The following IL4R variants were observed in gnomAD, a reference collection of about 807,000 sequenced individuals.
The protein encoded by IL4R is interleukin 4 receptor, also known as interleukin-4 receptor subunit alpha.
A neutral mutation model predicts 41.5 loss-of-function variants in IL4R; 17 were observed. That is an observed-to-expected ratio of 0.41 (90% CI 0.28 to 0.61). The LOEUF is 0.61. IL4R is among the 20% of genes least tolerant of loss of function. IL4R has a pLI of 0.31. For synonymous variants in IL4R, 402 were observed against 422.9 expected (o/e 0.95, Z 0.61); for missense variants, 974 against 1,043.1 (o/e 0.93, Z 0.91).
chr16:27,362,023 TG>T (rs1028405297), intron 10 of IL4R, among the ~76,000 whole-genome samples: 1 of 152,180 alleles, frequency 6.6e-6, no homozygotes, highest in African/African-American at 2.4e-5. Context: ...AGCTTGTATT[TG>T]GTGCCCAGGA....
intron 4 of IL4R, among the ~76,000 whole-genome samples, 156 bp from the exon 5 acceptor site, chr16:27,344,713 C>T (rs2085571213): frequency 6.6e-6 from 1 of 152,196 alleles, no homozygotes; most frequent in South Asian, 2.1e-4. Flanking sequence ...TGCCCCAGCA[C>T]ACCCTGGCCG....
In IL4R at chr16:27,363,851, G is replaced by A; in HGVS notation, c.*21G>A. 1 of 1,588,238 alleles carries A rather than the reference G, an allele frequency of 6.3e-7. No individual in the cohort carries two copies. Among genetic ancestry groups the A allele is most frequent in the South Asian group, 1.1e-5 (1 of 89,100 alleles). ...CTTAGGTGCATGTCCTCTTGTTGCT[G>A]AGTCTGCAGATGAGGACTAGGGCTT... On this transcript the variant is annotated 3_prime_UTR_variant, in exon 11 of 11. Coordinates refer to ENST00000395762, the MANE Select transcript of IL4R (RefSeq NM_000418.4).
chr16:27,338,408 A>G (rs1471513570), intron 2 of IL4R, among the ~76,000 whole-genome samples: 1 of 151,336 alleles, frequency 6.6e-6, no homozygotes, highest in Admixed American at 6.6e-5. Flanking sequence ...TTGTAGAGAT[A>G]AGGTCTCACT....
Position 27,363,035 on chromosome 16 carries a change from TG to T in IL4R, c.1687del (p.Ala563GlnfsTer124). On this transcript the variant is annotated frameshift_variant, in exon 11 of 11. Transcript: ENST00000395762. LOFTEE classifies it low-confidence loss of function (END_TRUNC). The stretch of plus-strand genomic sequence containing the variant: ...TCCTCCGCCGAAATGTCCTCCAGCA[TG>T]GGGCAGCTGCAGCCCCCGTCTCGGC... ...QILRRNVLQH[G>X]AAAAPVSAPT... The T allele has an allele frequency of 6.2e-7, 1 of 1,614,092 alleles. No individual in the cohort carries two copies.
chr16:27,357,307 TCTCA>T (rs2086111820), intron 8 of IL4R, among the ~76,000 whole-genome samples: 1 of 152,140 alleles, frequency 6.6e-6, no homozygotes, highest in Admixed American at 6.5e-5. Context: ...TTAGACAGGG[TCTCA>T]CTCTGTTAGC....
Position 27,362,259 on chromosome 16 carries a change from A to G in IL4R, c.907A>G (p.Lys303Glu), listed in dbSNP as rs774824823. The G allele has an allele frequency of 6.2e-7, 1 of 1,613,766 alleles. No homozygotes were observed. The highest frequency in any genetic ancestry group is 1.1e-5 in the South Asian group (1 of 91,066). ...CAACCTTTGCTTTTGCAGACACTGGAAGAATTGTCTTACCAAGCTCTTGCC... is the reference window on the plus strand; with the variant it reads ...CAACCTTTGCTTTTGCAGACACTGGGAGAATTGTCTTACCAAGCTCTTGCC... The part of the protein sequence containing the change: ...GQEPAKCPHW[K>E]NCLTKLLPCF... Residue 303 changes from lysine (K) to glutamate (E), a missense_variant, in exon 11 of 11, where the codon AAG (lysine) becomes GAG (glutamate). By Grantham distance (56) the Lys-to-Glu change is moderately conservative. Around this residue, in one of 3 missense-constraint regions of IL4R, gnomAD observed 682 missense variants for 704.3 expected, o/e 0.97. Transcript: ENST00000395762.
At chr16:27,340,445 G>A (rs1030701216) in intron 3 of IL4R, among the ~76,000 whole-genome samples, 172 bp downstream of exon 3, 12 of 151,954 alleles carry the variant, frequency 7.9e-5, no homozygotes, top group African/African-American at 1.9e-4. Context: ...GATGGGAGCC[G>A]GGTGCAGTGG....
At chr16:27,329,626 G>A (rs1170986385) in intron 1 of IL4R, among the ~76,000 whole-genome samples, 3 of 146,406 alleles carry the variant, frequency 2.0e-5, no homozygotes, top group East Asian at 2.0e-4. Flanking sequence ...GCAGTGAGCC[G>A]ACATCACGCC....
At chr16:27,355,610 G>A (rs961843608) in intron 7 of IL4R, 198 bp from the exon 8 acceptor site, 1 of 532,540 alleles carries the variant, frequency 1.9e-6, no homozygotes, top group South Asian at 2.1e-5. Context: ...GGAGCAGGGG[G>A]CAATGAGGTG....
Position 27,364,621 on chromosome 16 carries a change from T to G in IL4R, c.*791T>G, listed in dbSNP as rs1001361755. On this transcript the variant is annotated 3_prime_UTR_variant, in exon 11 of 11. Transcript: ENST00000395762. The stretch of plus-strand genomic sequence containing the variant: ...GGCATAAGGCACCAGTTACCCTGCA[T>G]GTTGGCCCAGACCTCAGGTGCTAGG... The G allele has an allele frequency of 6.6e-6, 1 of 152,126 alleles. No individual in the cohort carries two copies. Among genetic ancestry groups the G allele is most frequent in the African/African-American group, 2.4e-5 (1 of 41,414 alleles). The allele number at this position is 152,126 out of a possible 1,614,324, so 9.4% of individuals were successfully genotyped here.
intron 10 of IL4R, among the ~76,000 whole-genome samples, chr16:27,361,784 T>G (rs2086297591): frequency 6.6e-6 from 1 of 152,028 alleles, no homozygotes; most frequent in Non-Finnish European, 1.5e-5. Flanking sequence ...TTCCTTTTTT[T>G]TAATTCTTGT....
intron 1 of IL4R, among the ~76,000 whole-genome samples, chr16:27,323,975 T>C (rs72782399): frequency 0.013 from 1,923 of 152,218 alleles, 12 homozygotes; most frequent in Non-Finnish European, 0.018. Context: ...TGCTTTTTTT[T>C]GTTAGTGAGA....
chr16:27,345,044 G>C lies in IL4R; in HGVS notation c.361+24G>C, dbSNP rs369875568. 1.2e-4 allele frequency: 197 copies of C among 1,603,876 alleles called. 1 individual carries two copies. The highest frequency in any genetic ancestry group is 1.1e-4 in the Non-Finnish European group (128 of 1,175,908). ...TGGTGAGCAGGGCGGAGTGCGGCAGGGGTGGCTGGGTGTGTTCCCACAGCT... is the reference window on the plus strand; with the variant it reads ...TGGTGAGCAGGGCGGAGTGCGGCAGCGGTGGCTGGGTGTGTTCCCACAGCT... On this transcript the variant is annotated intron_variant, in intron 5 of 10. Transcript: ENST00000395762. This position sits in a 1 kb window ranked among gnomAD's most constrained non-coding sequence, Gnocchi z 4.5.
intron 3 of IL4R, among the ~76,000 whole-genome samples, chr16:27,340,794 G>C (rs1366685016): frequency 6.6e-6 from 1 of 152,180 alleles, no homozygotes; most frequent in Non-Finnish European, 1.5e-5. Context: ...GGTGGAGTGG[G>C]GGGGATTGCA....
chr16:27,322,546 A>G (rs1239887952), intron 1 of IL4R, among the ~76,000 whole-genome samples: 1 of 152,050 alleles, frequency 6.6e-6, no homozygotes, highest in Non-Finnish European at 1.5e-5. Context: ...CCCCATCTCT[A>G]CCAAAAACTA....
chr16:27,325,718 C>T (rs146650263), intron 1 of IL4R, among the ~76,000 whole-genome samples: 1 of 152,246 alleles, frequency 6.6e-6, no homozygotes, highest in Non-Finnish European at 1.5e-5. Context: ...ATAAAATACA[C>T]ATGCTCACTT....
intron 4 of IL4R, 55 bp from the exon 5 acceptor site, chr16:27,344,814 G>C (rs1290484103): frequency 6.3e-7 from 1 of 1,584,096 alleles, no homozygotes; most frequent in Non-Finnish European, 8.6e-7. Context: ...GGACACAGCT[G>C]TGGGGCCCAG....
chr16:27,328,223 A>AAAAAAAAAAAAAG, intron 1 of IL4R, among the ~76,000 whole-genome samples: 1 of 150,150 alleles, frequency 6.7e-6, no homozygotes, highest in East Asian at 2.0e-4. Flanking sequence ...AAAAAAAAAA[A>AAAAAAAAAAAAAG]GATTGTTGAA....
intron 1 of IL4R, among the ~76,000 whole-genome samples, chr16:27,322,534 G>A (rs1193926276): frequency 6.6e-5 from 10 of 152,016 alleles, no homozygotes; most frequent in Non-Finnish European, 1.5e-4. Context: ...AGCATAGTGA[G>A]ACCCCATCTC....
Sources: allele counts gnomAD v4.1 joint callset (sites outside exome capture counted in the v4.1 genomes callset), GRCh38; gene constraint gnomAD v4.1.1; regional missense constraint gnomAD v4.1.1; non-coding constraint Gnocchi (gnomAD v3.1); transcripts MANE v1.5; gene names NCBI Gene and HGNC (gene_info 2026-07-23, HGNC 2026-07-21).